The following PLEKHH2 variants were observed in gnomAD, a reference collection of about 807,000 sequenced individuals.
The protein encoded by PLEKHH2 is pleckstrin homology domain-containing family H member 2.
Under a neutral mutation model 187.9 loss-of-function variants are expected in PLEKHH2, and 129 were observed. The ratio of observed to expected loss-of-function variants is 0.69; its 90% CI spans 0.59 to 0.79. The LOEUF (loss-of-function observed/expected upper bound fraction) is 0.79, where lower values mean the gene tolerates loss of function less well. Ranked by LOEUF, PLEKHH2 falls within the 30% of genes least tolerant of loss-of-function variation. PLEKHH2 has a pLI of 0.00. For missense variants in PLEKHH2, 2,076 were observed against 1,751.2 expected, an observed-to-expected ratio of 1.19 and a Z score of -3.31; for synonymous variants, 686 against 605.6, an observed-to-expected ratio of 1.13 and a Z score of -1.95.
rs188571539 is a variant in PLEKHH2 at position 43,751,976 on chromosome 2, A to G, written c.3654-1643A>G. Among the ~76,000 whole-genome samples, 73 of 148,398 alleles carry G rather than the reference A, an allele frequency of 4.9e-4. 1 individual carries two copies. Among genetic ancestry groups the G allele is most frequent in the South Asian group, 1.1e-3 (5 of 4,718 alleles). On this transcript the variant is annotated intron_variant, in intron 24 of 29. Transcript: ENST00000282406. ...ACTTCCTTTTCCCCTGTCAGGCTCA[A>G]TTGTGTTGCCTGCTGGGAATAAGAG...
At chr2:43,693,205 A>G (rs1013141055) in intron 4 of PLEKHH2, among the ~76,000 whole-genome samples, 2 of 152,208 alleles carry the variant, frequency 1.3e-5, no homozygotes, top group Non-Finnish European at 2.9e-5. Context: ...GATTACAGGC[A>G]TGAGCCACCA....
chr2:43,693,661 T>C (rs1668941444), intron 4 of PLEKHH2, among the ~76,000 whole-genome samples: 1 of 138,926 alleles, frequency 7.2e-6, no homozygotes, highest in Non-Finnish European at 1.5e-5. Context: ...GAGGTGGAGC[T>C]TGCAGTGAGC....
At chr2:43,717,497 A>G (rs1670270530) in intron 15 of PLEKHH2, among the ~76,000 whole-genome samples, 1 of 152,150 alleles carries the variant, frequency 6.6e-6, no homozygotes, top group African/African-American at 2.4e-5. Context: ...AGTGGGAGGA[A>G]TTGGGAGGAA....
At chr2:43,697,863 A>T (rs767822668) in intron 7 of PLEKHH2, among the ~76,000 whole-genome samples, 1 of 152,218 alleles carries the variant, frequency 6.6e-6, no homozygotes, top group Non-Finnish European at 1.5e-5. Flanking sequence ...ATTTTCCTTT[A>T]ATCCTTCCAA....
At chr2:43,651,332 G>A (rs1030280048) in intron 2 of PLEKHH2, among the ~76,000 whole-genome samples, 2 of 152,096 alleles carry the variant, frequency 1.3e-5, no homozygotes, top group Admixed American at 1.3e-4. Context: ...CTCCCAAAGT[G>A]CTGAGATTAT....
intron 25 of PLEKHH2, among the ~76,000 whole-genome samples, chr2:43,755,847 G>A (rs982655876): frequency 6.6e-6 from 1 of 152,188 alleles, no homozygotes; most frequent in Non-Finnish European, 1.5e-5. Context: ...CAGCAACAAT[G>A]TCCCAGAAGA....
At chr2:43,646,002 A>G (rs1438827125) in intron 2 of PLEKHH2, among the ~76,000 whole-genome samples, 1 of 152,190 alleles carries the variant, frequency 6.6e-6, no homozygotes, top group African/African-American at 2.4e-5. Context: ...GCAAAACATC[A>G]TTAAGTCTAA....
chr2:43,639,986 A>G (rs1703298989), intron 1 of PLEKHH2, among the ~76,000 whole-genome samples: 1 of 151,990 alleles, frequency 6.6e-6, no homozygotes, highest in African/African-American at 2.4e-5. Flanking sequence ...CATTCATCTG[A>G]TGGTGGACAC....
chr2:43,638,774 C>T (rs773474684), intron 1 of PLEKHH2, among the ~76,000 whole-genome samples: 2 of 151,456 alleles, frequency 1.3e-5, no homozygotes, highest in Non-Finnish European at 2.9e-5. Context: ...TTTTTAACTA[C>T]CCAAGATGGT....
chr2:43,653,898 TCA>T (rs1389335213), intron 2 of PLEKHH2, among the ~76,000 whole-genome samples: 1 of 152,324 alleles, frequency 6.6e-6, no homozygotes, highest in African/African-American at 2.4e-5. Flanking sequence ...GCTCTGAATA[TCA>T]CACATAGTTA....
chr2:43,699,641 T>C lies in PLEKHH2; in HGVS notation c.689-6T>C. 1 of 1,609,418 alleles carries C rather than the reference T, an allele frequency of 6.2e-7. No individual in the cohort carries two copies. Among genetic ancestry groups the C allele is most frequent in the Middle Eastern group, 1.7e-4 (1 of 6,018 alleles). On this transcript the variant is annotated splice_region_variant and splice_polypyrimidine_tract_variant and intron_variant, in intron 7 of 29. Transcript: ENST00000282406. ...CAGCATGCTGATATGATGTATCCTT[T>C]TCTAGAAATGGAAATTCCAGAAAAG...
At chr2:43,713,179 C>G (rs1394800230) in intron 15 of PLEKHH2, among the ~76,000 whole-genome samples, 3 of 151,932 alleles carry the variant, frequency 2.0e-5, no homozygotes, top group Non-Finnish European at 4.4e-5. Context: ...AGGAAGTGGT[C>G]TTAATTTGCA....
intron 3 of PLEKHH2, among the ~76,000 whole-genome samples, chr2:43,689,062 G>C (rs559437273): frequency 6.6e-6 from 1 of 152,236 alleles, no homozygotes; most frequent in East Asian, 1.9e-4. Context: ...ATGTGGTGTG[G>C]CCCAAGATCT....
chr2:43,679,209 T>C (rs1277579631), intron 3 of PLEKHH2, among the ~76,000 whole-genome samples: 1 of 152,212 alleles, frequency 6.6e-6, no homozygotes, highest in Non-Finnish European at 1.5e-5. Context: ...GTTTTGTATA[T>C]AAATATGTTC....
chr2:43,701,426 A>G (rs766270305), intron 8 of PLEKHH2, among the ~76,000 whole-genome samples: 2 of 152,150 alleles, frequency 1.3e-5, no homozygotes, highest in Non-Finnish European at 2.9e-5. Flanking sequence ...GCAGTGTTCA[A>G]TTACTGGAGG....
At chr2:43,639,218 ACTTTTT>A (rs778554972) in intron 1 of PLEKHH2, among the ~76,000 whole-genome samples, 1 of 152,204 alleles carries the variant, frequency 6.6e-6, no homozygotes, top group African/African-American at 2.4e-5. Context: ...TTAAACTGCG[ACTTTTT>A]CTTTAGTCAT....
chr2:43,760,605 C>T (rs900766587), intron 27 of PLEKHH2, among the ~76,000 whole-genome samples: 1 of 152,150 alleles, frequency 6.6e-6, no homozygotes, highest in African/African-American at 2.4e-5. Context: ...TGAAGTGATC[C>T]ACCCGCCTCG....
intron 14 of PLEKHH2, chr2:43,710,925 A>G: frequency 9.7e-7 from 1 of 1,030,488 alleles, no homozygotes; most frequent in Non-Finnish European, 1.2e-6. Context: ...TATATAATGT[A>G]CTGTGAAATT....
chr2:43,725,831 A>G (rs930194), intron 16 of PLEKHH2, among the ~76,000 whole-genome samples: 92,933 of 152,062 alleles, frequency 0.61, 29,878 homozygotes, highest in African/African-American at 0.79. Context: ...GGTATGTTAT[A>G]CTGATGCGGT....
Sources: allele counts gnomAD v4.1 joint callset (sites outside exome capture counted in the v4.1 genomes callset), GRCh38; gene constraint gnomAD v4.1.1; transcripts MANE v1.5; gene names NCBI Gene and HGNC (gene_info 2026-07-23, HGNC 2026-07-21).